Variants in CPNE4 observed in about 807,000 individuals in gnomAD.
The protein encoded by CPNE4 is copine-4.
A neutral mutation model predicts 67.9 loss-of-function variants in CPNE4; 25 were observed. The observed-to-expected ratio is 0.37, with a 90% confidence interval of 0.27 to 0.51. CPNE4 has a LOEUF of 0.51. Among genes scored for constraint, CPNE4 ranks in the 20% least tolerant of loss-of-function variants. The probability of loss-of-function intolerance (pLI) is 0.93; values close to 1 mark genes in which losing one functional copy is unlikely to be tolerated. For missense variants in CPNE4, 464 were observed against 690.8 expected (o/e 0.67, Z 3.68); for synonymous variants, 242 against 244.9 (o/e 0.99, Z 0.11).
At chr3:131,590,540 A>G (rs1481727957) in intron 7 of CPNE4, among the ~76,000 whole-genome samples, 1 of 152,242 alleles carries the variant, frequency 6.6e-6, no homozygotes. Context: ...GTACTATCGT[A>G]GGAATAGGCA....
At chr3:131,956,281 C>A (rs915868922) in intron 1 of CPNE4, among the ~76,000 whole-genome samples, 2 of 151,882 alleles carry the variant, frequency 1.3e-5, no homozygotes, top group African/African-American at 4.8e-5. Context: ...ATATAATTAC[C>A]AGTTCATTGA....
chr3:132,034,373 G>A (rs573795743), intron 1 of CPNE4, among the ~76,000 whole-genome samples, 194 bp downstream of exon 1: 1 of 152,346 alleles, frequency 6.6e-6, no homozygotes, highest in African/African-American at 2.4e-5. Flanking sequence ...GCGAGAGGTA[G>A]GGGATGGAAG....
At chr3:131,808,848 T>C (rs73222333) in intron 2 of CPNE4, among the ~76,000 whole-genome samples, 14,116 of 152,238 alleles carry the variant, frequency 0.093, 826 homozygotes, top group East Asian at 0.17. Flanking sequence ...ATTTATTGTA[T>C]TGAAAGGGAT....
At chr3:131,849,257 T>A (rs2086138172) in intron 2 of CPNE4, among the ~76,000 whole-genome samples, 1 of 152,158 alleles carries the variant, frequency 6.6e-6, no homozygotes, top group African/African-American at 2.4e-5. Flanking sequence ...GATTGTGTAT[T>A]AGTCCTTTCT....
chr3:131,892,325 A>C (rs2107744085), intron 2 of CPNE4, among the ~76,000 whole-genome samples: 1 of 152,202 alleles, frequency 6.6e-6, no homozygotes, highest in Non-Finnish European at 1.5e-5. Context: ...TTGAAACCAG[A>C]CCCAGAAATG....
intron 1 of CPNE4, among the ~76,000 whole-genome samples, chr3:131,948,023 G>A (rs953501898): frequency 6.7e-6 from 1 of 149,374 alleles, no homozygotes; most frequent in South Asian, 2.1e-4. Flanking sequence ...TGAACATGGG[G>A]TGTCTTTCTA....
chr3:131,610,697 C>T (rs749858058), intron 7 of CPNE4, among the ~76,000 whole-genome samples: 2 of 152,170 alleles, frequency 1.3e-5, no homozygotes, highest in African/African-American at 4.8e-5. Flanking sequence ...TTCCACTCTC[C>T]TATCCGTTAT....
At chr3:131,815,034 G>C (rs994131899) in intron 2 of CPNE4, among the ~76,000 whole-genome samples, 4 of 152,196 alleles carry the variant, frequency 2.6e-5, no homozygotes, top group African/African-American at 9.7e-5. Context: ...TGGTCTGGTG[G>C]ATAACGGAAG....
Position 131,884,981 on chromosome 3 carries a change from G to T in CPNE4, c.180+20283C>A, listed in dbSNP as rs1190027295. On this transcript the variant is annotated intron_variant, in intron 2 of 15. Transcript: ENST00000429747. ...ATAATATAGTAAATTTGTACCAAGA[G>T]TGGAGTGTTGCTGAAAAGATACCCA... Among the ~76,000 whole-genome samples, 10 of 152,292 alleles carry T rather than the reference G, an allele frequency of 6.6e-5. No homozygotes were observed. In the South Asian group the frequency reaches 2.1e-3, roughly 32 times the overall value.
chr3:131,925,893 G>A (rs1160886993), intron 1 of CPNE4, among the ~76,000 whole-genome samples: 1 of 148,672 alleles, frequency 6.7e-6, no homozygotes, highest in Non-Finnish European at 1.5e-5. Context: ...GAGAATTTCA[G>A]GGAACCTAGG....
At chr3:131,753,849 G>A (rs1045033907) in intron 2 of CPNE4, among the ~76,000 whole-genome samples, 4 of 151,990 alleles carry the variant, frequency 2.6e-5, no homozygotes, top group Non-Finnish European at 4.4e-5. Flanking sequence ...AGACTTTGGG[G>A]CAAACTATTA....
At chr3:131,959,664 G>A (rs1408732127) in intron 1 of CPNE4, among the ~76,000 whole-genome samples, 1 of 152,152 alleles carries the variant, frequency 6.6e-6, no homozygotes, top group African/African-American at 2.4e-5. Context: ...GCTTACTTGT[G>A]TAATTGCCCG....
rs757749494 is a variant in CPNE4, at chr3:131,696,590, A to G, written c.459T>C (p.Asn153=). 1 of 1,614,056 alleles carries G rather than the reference A, an allele frequency of 6.2e-7. No individual in the cohort carries two copies. Among genetic ancestry groups the G allele is most frequent in the Non-Finnish European group, 8.5e-7 (1 of 1,179,938 alleles). Residue 153 remains asparagine (N), a synonymous_variant, in exon 5 of 16, where the codon AAT becomes AAC. Transcript: ENST00000429747. The stretch of plus-strand genomic sequence containing the variant: ...TGAATGCAAGCTCAACATAGTCGTC[A>G]TTGCCAGATAATTCTTCAGCAATCA... ...ITVIAEELSG[N]DDYVELAFNA...
chr3:131,700,932 A>C (rs926605330), intron 3 of CPNE4, among the ~76,000 whole-genome samples: 1 of 152,046 alleles, frequency 6.6e-6, no homozygotes, highest in African/African-American at 2.4e-5. Context: ...GGATGAGTTC[A>C]TGTCCTTTGT....
At chr3:131,926,937 G>A (rs1321011973) in intron 1 of CPNE4, among the ~76,000 whole-genome samples, 1 of 152,130 alleles carries the variant, frequency 6.6e-6, no homozygotes, top group Non-Finnish European at 1.5e-5. Context: ...GGGGTAATAA[G>A]AGAGGGGTAC....
In CPNE4 at chr3:131,771,302, G is replaced by C. The variant is rs981387501; in HGVS notation, c.181-47677C>G. ...ATTTTGTTTTGTTCTGTTTTGTTTTGTCACTGTTATAGTTGGTATGTTTGA... is the reference window on the plus strand; with the variant it reads ...ATTTTGTTTTGTTCTGTTTTGTTTTCTCACTGTTATAGTTGGTATGTTTGA... On this transcript the variant is annotated intron_variant, in intron 2 of 15. Coordinates refer to ENST00000429747, the MANE Select transcript of CPNE4 (RefSeq NM_130808.3). Among the ~76,000 whole-genome samples the C allele has an allele frequency of 2.0e-5, 3 of 151,952 alleles. No homozygotes were observed. The South Asian group carries it at 6.2e-4, about 32-fold the overall frequency.
chr3:131,631,823 T>G (rs753306714), intron 7 of CPNE4, among the ~76,000 whole-genome samples: 9 of 151,886 alleles, frequency 5.9e-5, no homozygotes, highest in Non-Finnish European at 1.0e-4. Context: ...TTTAGATTTT[T>G]TGAGGGCCTA....
At chr3:131,798,540 T>C (rs1039684006) in intron 2 of CPNE4, among the ~76,000 whole-genome samples, 2 of 152,194 alleles carry the variant, frequency 1.3e-5, no homozygotes, top group African/African-American at 4.8e-5. Context: ...TACAGTGTTA[T>C]GAAAATTAAC....
chr3:131,628,675 T>A (rs2079141176), intron 7 of CPNE4, among the ~76,000 whole-genome samples: 1 of 152,248 alleles, frequency 6.6e-6, no homozygotes, highest in Non-Finnish European at 1.5e-5. Context: ...ATTTTCTAGT[T>A]TATTTGCATA....
Sources: allele counts gnomAD v4.1 joint callset (sites outside exome capture counted in the v4.1 genomes callset), GRCh38; gene constraint gnomAD v4.1.1; transcripts MANE v1.5; gene names NCBI Gene and HGNC (gene_info 2026-07-23, HGNC 2026-07-21).